The following GDPD4 variants were observed in gnomAD, a reference collection of about 807,000 sequenced individuals.
GDPD4 encodes the protein glycerophosphodiester phosphodiesterase 6.
Under a neutral mutation model 67.8 loss-of-function variants are expected in GDPD4, and 60 were observed. That is an observed-to-expected ratio of 0.88 (90% CI 0.72 to 1.10). The LOEUF (loss-of-function observed/expected upper bound fraction) is 1.10. Ranked by LOEUF, GDPD4 falls within the 50% of genes least tolerant of loss-of-function variation. The pLI is 0.00. For missense variants in GDPD4, 623 were observed against 613.9 expected (o/e 1.01, Z -0.16); for synonymous variants, 212 against 210.9 (o/e 1.00, Z -0.04).
At chr11:77,281,075 A>G (rs1478468057) in intron 3 of GDPD4, among the ~76,000 whole-genome samples, 1 of 152,216 alleles carries the variant, frequency 6.6e-6, no homozygotes, top group African/African-American at 2.4e-5. Context: ...ACATCCCTCT[A>G]GCAGCATAAT....
Position 77,252,054 on chromosome 11 carries a change from G to GTTTGTTTTTTTTT in GDPD4, c.864+6331_864+6332insAAAAAAAAACAAA, listed in dbSNP as rs1565523210. ...TCCATTTGGGTTTTTTTGTTTGTTT[G>GTTTGTTTTTTTTT]TTTTTTTTTTGTTTTTTTTTTTTTT... is the stretch of plus-strand genomic sequence containing the variant. On this transcript the variant is annotated intron_variant, in intron 11 of 16. Transcript: ENST00000315938. 4.7e-5 allele frequency among the ~76,000 whole-genome samples: 2 copies of GTTTGTTTTTTTTT among 42,338 alleles called. 1 individual carries two copies. Among genetic ancestry groups the GTTTGTTTTTTTTT allele is most frequent in the Non-Finnish European group, 1.3e-4 (2 of 15,270 alleles). The allele number at this position is 42,338 out of a possible 152,430, so 27.8% of individuals were successfully genotyped here. A position where few individuals can be genotyped will look rare whatever the true frequency, so the allele number is the denominator to read the frequency against.
At position 77,269,860 on chromosome 11, in the gene GDPD4, A is replaced by C. The variant is rs764666980; in HGVS notation, c.478+23T>G. On this transcript the variant is annotated intron_variant, in intron 8 of 16. Coordinates refer to ENST00000315938, the MANE Select transcript of GDPD4 (RefSeq NM_182833.3). ...TACCACCTTTGCTTTAGTGACTTTC[A>C]AATCTCAGTCTCCAGCTCTAACCTC... 5.8e-6 allele frequency: 8 copies of C among 1,382,702 alleles called. 1 individual carries two copies. The African/African-American group carries it at 1.0e-4, about 18-fold the overall frequency. The allele number at this position is 1,382,702 out of a possible 1,614,324, so 85.7% of individuals were successfully genotyped here. A position where few individuals can be genotyped will look rare whatever the true frequency, so the allele number is the denominator to read the frequency against.
intron 14 of GDPD4, among the ~76,000 whole-genome samples, chr11:77,231,899 G>C (rs1958462882): frequency 6.6e-6 from 1 of 152,190 alleles, no homozygotes; most frequent in Non-Finnish European, 1.5e-5. Flanking sequence ...TCATCTCCAG[G>C]AAGCTGACCA....
chr11:77,249,660 G>C (rs1418512920), intron 11 of GDPD4, among the ~76,000 whole-genome samples: 1 of 152,216 alleles, frequency 6.6e-6, no homozygotes, highest in Non-Finnish European at 1.5e-5. Flanking sequence ...GGAAACCAGT[G>C]CTCGGGTAGG....
At chr11:77,219,967 G>A (rs1457467352) in intron 16 of GDPD4, among the ~76,000 whole-genome samples, 1 of 152,188 alleles carries the variant, frequency 6.6e-6, no homozygotes, top group East Asian at 1.9e-4. Context: ...GAATGCTTGT[G>A]AGTTTTGCAC....
intron 12 of GDPD4, among the ~76,000 whole-genome samples, chr11:77,244,517 A>G (rs1958741884): frequency 6.6e-6 from 1 of 152,160 alleles, no homozygotes. Context: ...TGAGAATCAA[A>G]AACATCTTTC....
intron 10 of GDPD4, among the ~76,000 whole-genome samples, chr11:77,264,920 A>G (rs1411027623): frequency 1.3e-5 from 2 of 152,144 alleles, no homozygotes; most frequent in Non-Finnish European, 2.9e-5. Flanking sequence ...AAGGAAATTT[A>G]TATTTATAAA....
At chr11:77,266,197 T>G (rs1377044086) in intron 10 of GDPD4, among the ~76,000 whole-genome samples, 1 of 152,140 alleles carries the variant, frequency 6.6e-6, no homozygotes, top group African/African-American at 2.4e-5. Flanking sequence ...ATTTCTGGGG[T>G]GTATGGTAAG....
chr11:77,291,957 G>C (rs764446700), intron 1 of GDPD4, among the ~76,000 whole-genome samples: 3 of 152,158 alleles, frequency 2.0e-5, no homozygotes, highest in Admixed American at 2.0e-4. Flanking sequence ...TTGAACCCAG[G>C]AGGTGGAGGT....
intron 16 of GDPD4, among the ~76,000 whole-genome samples, chr11:77,222,683 C>G (rs1471273722): frequency 6.6e-6 from 1 of 152,136 alleles, no homozygotes. Context: ...TCATTTCAAC[C>G]TTTGTGAATC....
intron 11 of GDPD4, among the ~76,000 whole-genome samples, chr11:77,252,570 AT>A (rs986883381): frequency 5.3e-5 from 8 of 151,918 alleles, no homozygotes; most frequent in African/African-American, 1.9e-4. Context: ...GTGGTGTCAT[AT>A]TTCCTTGCTT....
rs916189177 is a variant in GDPD4 at position 77,296,758 on chromosome 11, T to TA, written c.-254+4846dup. Among the ~76,000 whole-genome samples the TA allele has an allele frequency of 9.3e-5, 14 of 151,198 alleles. No homozygotes were observed. The East Asian group carries it at 1.4e-3, about 15-fold the overall frequency. ...GTGTGAAAATGATGATATGGCTGTGTAAAAAAAAATTCCTTTTTTGGCCGG... is the reference window on the plus strand; with the variant it reads ...GTGTGAAAATGATGATATGGCTGTGTAAAAAAAAAATTCCTTTTTTGGCCGG... On this transcript the variant is annotated intron_variant, in intron 1 of 16. Transcript: ENST00000315938.
intron 4 of GDPD4, among the ~76,000 whole-genome samples, chr11:77,277,453 T>TGTG (rs1959532410): frequency 2.4e-5 from 3 of 125,824 alleles, no homozygotes. Context: ...CAGGCTGGAG[T>TGTG]GCAGTGTGGC....
At chr11:77,286,321 T>C (rs1234522715) in intron 2 of GDPD4, among the ~76,000 whole-genome samples, 1 of 152,164 alleles carries the variant, frequency 6.6e-6, no homozygotes, top group Non-Finnish European at 1.5e-5. Flanking sequence ...TCTCACTATA[T>C]TGAGATTGTG....
In GDPD4 at chr11:77,217,012, A is replaced by G; in HGVS notation, c.*265T>C. On this transcript the variant is annotated 3_prime_UTR_variant, in exon 17 of 17. Transcript: ENST00000315938. ...GGGTGGGCAATGTAGTTTGAAAGGTAGCCTCACTTGTAGCCTGCCTGGTGG... is the reference window on the plus strand; with the variant it reads ...GGGTGGGCAATGTAGTTTGAAAGGTGGCCTCACTTGTAGCCTGCCTGGTGG... 1 of 703,358 alleles carries G rather than the reference A, an allele frequency of 1.4e-6. No homozygotes were observed. The highest frequency in any genetic ancestry group is 1.7e-5 in the African/African-American group (1 of 57,356). The allele number at this position is 703,358 out of a possible 1,614,324, so 43.6% of individuals were successfully genotyped here.
chr11:77,242,912 T>G (rs1005007449), intron 13 of GDPD4, among the ~76,000 whole-genome samples: 17 of 130,594 alleles, frequency 1.3e-4, no homozygotes, highest in African/African-American at 4.0e-4. Context: ...AAAGGAGACT[T>G]TGGATATCTA....
intron 4 of GDPD4, among the ~76,000 whole-genome samples, chr11:77,276,607 A>T (rs1959481147): frequency 6.6e-6 from 1 of 152,202 alleles, no homozygotes; most frequent in South Asian, 2.1e-4. Context: ...TAAGAGAAGA[A>T]AGGTCAGGAG....
chr11:77,234,483 C>A (rs1233233537), intron 13 of GDPD4, among the ~76,000 whole-genome samples: 1 of 152,122 alleles, frequency 6.6e-6, no homozygotes, highest in Non-Finnish European at 1.5e-5. Context: ...AGTTTTCCAA[C>A]CCTTTCCCCT....
At chr11:77,281,848 T>C (rs1959767442) in intron 3 of GDPD4, among the ~76,000 whole-genome samples, 1 of 152,172 alleles carries the variant, frequency 6.6e-6, no homozygotes, top group South Asian at 2.1e-4. Context: ...AGGTACTGGC[T>C]TGATGGCGTA....
Sources: gnomAD v4.1 joint callset for allele counts (sites outside exome capture counted in the v4.1 genomes callset) on GRCh38, gnomAD v4.1.1 for gene constraint, MANE v1.5 for transcripts, NCBI Gene and HGNC (gene_info 2026-07-23, HGNC 2026-07-21) for gene names.